ZFPM2: variants seen among roughly 807,000 people sequenced by gnomAD.
ZFPM2 encodes the protein zinc finger protein ZFPM2.
A neutral mutation model predicts 98.6 loss-of-function variants in ZFPM2; 20 were observed. That is an observed-to-expected ratio of 0.20 (90% confidence interval 0.14 to 0.29). The LOEUF is 0.29. ZFPM2 is among the 10% of genes least tolerant of loss of function. The pLI, the probability that ZFPM2 is intolerant of heterozygous loss-of-function variation, is 1.00. For synonymous variants in ZFPM2, 518 were observed against 502.7 expected (o/e 1.03, Z -0.41); for missense variants, 1,310 against 1,388.6 (o/e 0.94, Z 0.90).
intron 4 of ZFPM2, among the ~76,000 whole-genome samples, chr8:105,572,602 G>A (rs994028247): frequency 2.0e-5 from 3 of 151,932 alleles, no homozygotes; most frequent in Admixed American, 2.0e-4. Context: ...CGAGTAGCTG[G>A]GATTACAGGC....
chr8:105,641,211 C>T (rs1015431284), intron 5 of ZFPM2, among the ~76,000 whole-genome samples: 3 of 151,968 alleles, frequency 2.0e-5, no homozygotes, highest in Non-Finnish European at 4.4e-5. Flanking sequence ...CAGCTCAGAG[C>T]TGCAGTGTAA....
intron 4 of ZFPM2, among the ~76,000 whole-genome samples, chr8:105,600,323 G>A (rs1401460783): frequency 1.3e-5 from 2 of 152,066 alleles, no homozygotes; most frequent in Non-Finnish European, 2.9e-5. Context: ...ACTCTGAAAT[G>A]TTTGTAAGAT....
intron 3 of ZFPM2, among the ~76,000 whole-genome samples, chr8:105,508,131 A>C (rs562979350): frequency 6.6e-6 from 1 of 152,284 alleles, no homozygotes; most frequent in Non-Finnish European, 1.5e-5. Context: ...TTAATCACGT[A>C]ACATTTTGAG....
intron 1 of ZFPM2, among the ~76,000 whole-genome samples, chr8:105,349,521 T>C (rs1812603756): frequency 6.6e-6 from 1 of 152,204 alleles, no homozygotes; most frequent in African/African-American, 2.4e-5. Context: ...AACTCTGTTT[T>C]ACTAAAACCT....
At chr8:105,388,777 C>T (rs1442472577) in intron 1 of ZFPM2, among the ~76,000 whole-genome samples, 1 of 152,164 alleles carries the variant, frequency 6.6e-6, no homozygotes, top group East Asian at 1.9e-4. Flanking sequence ...CAGCTTCCTG[C>T]TGTTGCTAAT....
At chr8:105,661,961 T>C (rs941982647) in intron 5 of ZFPM2, among the ~76,000 whole-genome samples, 2 of 151,194 alleles carry the variant, frequency 1.3e-5, no homozygotes, top group Non-Finnish European at 2.9e-5. Context: ...GACAGAGAGG[T>C]TCTTTCTCTT....
intron 3 of ZFPM2, among the ~76,000 whole-genome samples, chr8:105,455,326 G>A (rs927253051): frequency 5.9e-5 from 9 of 152,150 alleles, no homozygotes; most frequent in Non-Finnish European, 1.0e-4. Context: ...TGGACAGAAC[G>A]TGGGAGGGGG....
chr8:105,456,094 C>T (rs1233278646), intron 3 of ZFPM2, among the ~76,000 whole-genome samples: 13 of 148,260 alleles, frequency 8.8e-5, no homozygotes, highest in African/African-American at 3.0e-4. Context: ...GAAGAGTCAT[C>T]GAAGAAGACT....
chr8:105,371,561 G>A (rs1013153366), intron 1 of ZFPM2, among the ~76,000 whole-genome samples: 1 of 151,822 alleles, frequency 6.6e-6, no homozygotes, highest in East Asian at 1.9e-4. Context: ...CAATCAGAAG[G>A]TCATGAAAGT....
intron 1 of ZFPM2, among the ~76,000 whole-genome samples, chr8:105,386,803 T>C (rs1423512074): frequency 3.3e-5 from 5 of 152,084 alleles, no homozygotes; most frequent in Non-Finnish European, 5.9e-5. Flanking sequence ...AGGGTGCTGA[T>C]TGGTGTGTTT....
intron 5 of ZFPM2, chr8:105,669,977 A>G (rs1381722507): frequency 1.3e-5 from 2 of 152,182 alleles, no homozygotes; most frequent in African/African-American, 2.4e-5. Context: ...ATAAATAGAG[A>G]AAGTGCAGAG....
intron 4 of ZFPM2, among the ~76,000 whole-genome samples, chr8:105,626,386 A>T (rs1816655192): frequency 6.6e-6 from 1 of 151,828 alleles, no homozygotes; most frequent in Non-Finnish European, 1.5e-5. Context: ...AGAGTGATAC[A>T]ATATTTTCCT....
intron 5 of ZFPM2, among the ~76,000 whole-genome samples, chr8:105,738,398 C>T (rs1333614559): frequency 1.3e-5 from 2 of 152,028 alleles, no homozygotes; most frequent in Non-Finnish European, 2.9e-5. Context: ...CTATGTACCA[C>T]GTTTTCTTTA....
chr8:105,753,055 G>T (rs1450981079), intron 5 of ZFPM2, among the ~76,000 whole-genome samples: 2 of 152,070 alleles, frequency 1.3e-5, no homozygotes, highest in Non-Finnish European at 2.9e-5. Flanking sequence ...CACCTGAGCA[G>T]GATCAACGTG....
At chr8:105,492,861 T>G (rs2130438020) in intron 3 of ZFPM2, among the ~76,000 whole-genome samples, 1 of 152,346 alleles carries the variant, frequency 6.6e-6, no homozygotes, top group South Asian at 2.1e-4. Flanking sequence ...CCTACATTTT[T>G]GATACTGTAA....
chr8:105,628,715 C>T (rs1025103753), intron 4 of ZFPM2, among the ~76,000 whole-genome samples: 13 of 152,094 alleles, frequency 8.5e-5, no homozygotes, highest in South Asian at 2.1e-4. Context: ...CTACCCACCC[C>T]GTCCCCTTTT....
At chr8:105,603,617 T>C (rs917773552) in intron 4 of ZFPM2, among the ~76,000 whole-genome samples, 9 of 152,090 alleles carry the variant, frequency 5.9e-5, no homozygotes, top group African/African-American at 2.2e-4. Context: ...TCATACACTT[T>C]GAAAACGTGG....
intron 1 of ZFPM2, among the ~76,000 whole-genome samples, chr8:105,373,598 G>T (rs1318246804): frequency 6.6e-6 from 1 of 152,094 alleles, no homozygotes; most frequent in Non-Finnish European, 1.5e-5. Context: ...AATATAAAGA[G>T]TGCTAACAAA....
intron 3 of ZFPM2, among the ~76,000 whole-genome samples, chr8:105,500,314 T>C (rs552455529): frequency 6.6e-6 from 1 of 152,290 alleles, no homozygotes; most frequent in Admixed American, 6.5e-5. Context: ...AAACGTAAGA[T>C]AAGGAAATAC....
Sources: gnomAD v4.1 joint callset for allele counts (sites outside exome capture counted in the v4.1 genomes callset) on GRCh38, gnomAD v4.1.1 for gene constraint, MANE v1.5 for transcripts, NCBI Gene and HGNC (gene_info 2026-07-23, HGNC 2026-07-21) for gene names.